The following ZNF697 variants were observed in gnomAD, a reference collection of about 807,000 sequenced individuals.
The protein encoded by ZNF697 is zinc finger protein 697.
A neutral mutation model predicts 32.4 loss-of-function variants in ZNF697; 23 were observed. That is an observed-to-expected ratio of 0.71 (90% CI 0.51 to 1.01). ZNF697 has a LOEUF of 1.01. Ranked by LOEUF, ZNF697 falls within the 50% of genes least tolerant of loss-of-function variation. ZNF697 has a pLI of 0.00. For synonymous variants in ZNF697, 418 were observed against 337.2 expected, an observed-to-expected ratio of 1.24 and a Z score of -2.62; for missense variants, 930 against 794.0, an observed-to-expected ratio of 1.17 and a Z score of -2.06.
intron 1 of ZNF697, among the ~76,000 whole-genome samples, chr1:119,641,248 G>C (rs980109598): frequency 1.3e-5 from 2 of 152,166 alleles, no homozygotes; most frequent in Admixed American, 6.5e-5. Flanking sequence ...TGTTATAAGG[G>C]GGGTGGTAAA....
intron 1 of ZNF697, among the ~76,000 whole-genome samples, chr1:119,626,441 G>C (rs1437176030): frequency 1.3e-5 from 2 of 152,168 alleles, no homozygotes; most frequent in Non-Finnish European, 2.9e-5. Context: ...TGAACTAGAT[G>C]TTCCCATTTT....
Position 119,626,113 on chromosome 1 carries a change from G to T in ZNF697, c.-13C>A, listed in dbSNP as rs1164622075. On this transcript the variant is annotated 5_prime_UTR_variant, in exon 2 of 3. Coordinates refer to ENST00000421812, the MANE Select transcript of ZNF697 (RefSeq NM_001080470.2). Reference sequence around the variant, plus strand: ...CTTCTTGTTTCATCCAGGAAGAAAAGAGCAAGGGAGGTGACCAGGAATCCC... The same window carrying T: ...CTTCTTGTTTCATCCAGGAAGAAAATAGCAAGGGAGGTGACCAGGAATCCC... 1.9e-6 allele frequency: 3 copies of T among 1,613,484 alleles called. No individual in the cohort carries two copies. The highest frequency in any genetic ancestry group is 2.7e-5 in the African/African-American group (2 of 74,892).
rs201247006 is a variant in ZNF697 at position 119,623,979 on chromosome 1, C to T, written c.364G>A (p.Glu122Lys). Residue 122 changes from glutamate to lysine, a missense_variant, in exon 3 of 3, where the codon GAG (glutamate) becomes AAG (lysine). Glu to Lys is a moderately conservative substitution (Grantham distance 56). Transcript: ENST00000421812. Reference protein sequence around the residue: ...ISRSLREDDDESAGENRLEEE... With the variant: ...ISRSLREDDDKSAGENRLEEE... ...TCCAGCCGGTTCTCCCCAGCACTCTCGTCGTCGTCCTCCCGGAGGCTCCGG... is the reference window on the plus strand; with the variant it reads ...TCCAGCCGGTTCTCCCCAGCACTCTTGTCGTCGTCCTCCCGGAGGCTCCGG... 8 of 1,610,244 alleles carry T rather than the reference C, an allele frequency of 5.0e-6. No individual in the cohort carries two copies. Among genetic ancestry groups the T allele is most frequent in the East Asian group, 4.5e-5 (2 of 44,740 alleles).
chr1:119,637,739 T>A (rs1007906284), intron 1 of ZNF697, among the ~76,000 whole-genome samples: 1 of 152,366 alleles, frequency 6.6e-6, no homozygotes, highest in African/African-American at 2.4e-5. Context: ...CTTCATGTGA[T>A]CCTCAGAAGT....
chr1:119,623,628 C>G lies in ZNF697; in HGVS notation c.715G>C (p.Gly239Arg). 1 of 1,502,352 alleles carries G rather than the reference C, an allele frequency of 6.7e-7. No homozygotes were observed. The highest frequency in any genetic ancestry group is 8.8e-7 in the Non-Finnish European group (1 of 1,133,306). 93.1% of individuals were successfully genotyped at this position (1,502,352 alleles called of 1,614,324 possible). The stretch of plus-strand genomic sequence containing the variant: ...CCGAAGCCCCCCGCCACACCCACCC[C>G]CATCATGCCCACCATCGCGTCGCAC... ...GECDAMVGMMGVGVAGGFGAG... is the reference protein window; with the variant it reads ...GECDAMVGMMRVGVAGGFGAG... Residue 239 changes from glycine (G) to arginine (R), a missense_variant, in exon 3 of 3, where the codon GGG becomes CGG. Coordinates refer to ENST00000421812, the MANE Select transcript of ZNF697 (RefSeq NM_001080470.2).
chr1:119,636,478 C>T (rs587668999), intron 1 of ZNF697, among the ~76,000 whole-genome samples: 1 of 152,246 alleles, frequency 6.6e-6, no homozygotes, highest in South Asian at 2.1e-4. Flanking sequence ...CCACTATATG[C>T]CACAAGATCT....
chr1:119,630,938 G>A (rs587661378), intron 1 of ZNF697, among the ~76,000 whole-genome samples: 3 of 152,306 alleles, frequency 2.0e-5, no homozygotes, highest in East Asian at 3.9e-4. Flanking sequence ...CAGTAGCAGA[G>A]CCAGAATTAG....
chr1:119,637,422 G>A (rs1418523073), intron 1 of ZNF697, among the ~76,000 whole-genome samples: 1 of 152,200 alleles, frequency 6.6e-6, no homozygotes, highest in African/African-American at 2.4e-5. Flanking sequence ...AGTACATTTT[G>A]CTGTAGAGAA....
chr1:119,626,749 A>G (rs1258500637), intron 1 of ZNF697, among the ~76,000 whole-genome samples: 1 of 152,220 alleles, frequency 6.6e-6, no homozygotes, highest in Non-Finnish European at 1.5e-5. Flanking sequence ...CAGCACCACC[A>G]ACCTGGCTTT....
chr1:119,623,916 AG>A lies in ZNF697; in HGVS notation c.426del (p.Trp143GlyfsTer95). 1 of 1,572,126 alleles carries A rather than the reference AG, an allele frequency of 6.4e-7. No homozygotes were observed. On this transcript the variant is annotated frameshift_variant, in exon 3 of 3. Transcript: ENST00000421812. LOFTEE classifies it high-confidence loss of function. ...CTCCCCAGGGAGAGATGTCGCCTCC[AG>A]GGAAGTACGGGAGGGGCCGGCTGCT... ...EEEQPAPPVLPWRRHLSLGSR... is the reference protein window; with the variant it reads ...EEEQPAPPVLXWRRHLSLGSR...
chr1:119,624,110 T>C lies in ZNF697; in HGVS notation c.233A>G (p.Gln78Arg), dbSNP rs780161318. The C allele has an allele frequency of 1.3e-6, 2 of 1,564,278 alleles. No individual in the cohort carries two copies. Among genetic ancestry groups the C allele is most frequent in the Non-Finnish European group, 1.7e-6 (2 of 1,152,674 alleles). The change falls in exon 3 of 3, where the codon CAG becomes CGG. Residue 78 changes from glutamine (Q) to arginine (R), a missense_variant. Gln to Arg is a conservative substitution (Grantham distance 43). Coordinates refer to ENST00000421812, the MANE Select transcript of ZNF697 (RefSeq NM_001080470.2). ...AGAAACGCCTTCTTCCTCACTCAGC[T>C]GCCCCTCTGCAACAGAAAAAGGTGG... Reference protein sequence around the residue: ...EAVPDICTEGQLSEEEGVSVR... With the variant: ...EAVPDICTEGRLSEEEGVSVR...
intron 1 of ZNF697, among the ~76,000 whole-genome samples, chr1:119,643,978 C>A (rs1031335953): frequency 7.9e-5 from 12 of 152,250 alleles, no homozygotes; most frequent in Non-Finnish European, 1.6e-4. Context: ...ATATTTCGTG[C>A]CTCCATTTCT....
Position 119,642,608 on chromosome 1 carries a change from T to C in ZNF697, c.-38+5083A>G, listed in dbSNP as rs1274788422. Among the ~76,000 whole-genome samples, 16 of 152,208 alleles carry C rather than the reference T, an allele frequency of 1.1e-4. No homozygotes were observed. The East Asian group carries it at 3.1e-3, about 29-fold the overall frequency. On this transcript the variant is annotated intron_variant, in intron 1 of 2. Transcript: ENST00000421812. ...CCCCAGCTTATATAATTTATAAGCA[T>C]ACAACCTTACCCACACCTCATTGTA...
chr1:119,623,636 C>A lies in ZNF697; in HGVS notation c.707G>T (p.Gly236Val), dbSNP rs756455832. The A allele has an allele frequency of 1.1e-6, 1 of 908,158 alleles. No homozygotes were observed. The highest frequency in any genetic ancestry group is 1.5e-6 in the Non-Finnish European group (1 of 646,078). The allele number at this position is 908,158 out of a possible 1,614,324, so 56.3% of individuals were successfully genotyped here. The change falls in exon 3 of 3, where the codon GGC becomes GTC. Residue 236 changes from glycine to valine, a missense_variant. Coordinates refer to ENST00000421812, the MANE Select transcript of ZNF697 (RefSeq NM_001080470.2). ...CCCCGCCACACCCACCCCCATCATG[C>A]CCACCATCGCGTCGCACTCGCCCGC... Reference protein sequence around the residue: ...GLAGECDAMVGMMGVGVAGGF... With the variant: ...GLAGECDAMVVMMGVGVAGGF...
Position 119,622,621 on chromosome 1 carries a change from T to A in ZNF697, c.*84A>T. On this transcript the variant is annotated 3_prime_UTR_variant, in exon 3 of 3. Transcript: ENST00000421812. ...CTCTCAGATTGTCCCTCCCGCCCCT[T>A]CCCCACTTCCTTCCCCTGGGTCAGT... The A allele has an allele frequency of 1.4e-6, 2 of 1,434,800 alleles. No homozygotes were observed. The highest frequency in any genetic ancestry group is 1.4e-5 in the African/African-American group (1 of 69,690). The allele number at this position is 1,434,800 out of a possible 1,614,324, so 88.9% of individuals were successfully genotyped here.
At chr1:119,637,261 T>C (rs1222041915) in intron 1 of ZNF697, among the ~76,000 whole-genome samples, 2 of 152,242 alleles carry the variant, frequency 1.3e-5, no homozygotes, top group East Asian at 3.8e-4. Flanking sequence ...TCATATTAAC[T>C]GCACCATGGG....
intron 2 of ZNF697, among the ~76,000 whole-genome samples, chr1:119,625,044 CCCAGGTTAGAGGCTGAT>C (rs1324685035): frequency 6.6e-6 from 1 of 151,800 alleles, no homozygotes; most frequent in African/African-American, 2.4e-5. Flanking sequence ...AGCTGGTGAG[CCCAGGTTAGAGGCTGAT>C]CCAGGACACA....
At chr1:119,632,515 A>G (rs2101087813) in intron 1 of ZNF697, among the ~76,000 whole-genome samples, 1 of 152,368 alleles carries the variant, frequency 6.6e-6, no homozygotes, top group African/African-American at 2.4e-5. Flanking sequence ...GCTCAAAACC[A>G]AGGCAACAGA....
chr1:119,648,202 T>C lies in ZNF697; in HGVS notation c.-549A>G, dbSNP rs113133118. ...GCTGGGTGGCCCGCTGGCTGGCTGG[T>C]TGGCTGGCTGGCTGGCTGGCTGGCT... On this transcript the variant is annotated 5_prime_UTR_variant, in exon 1 of 3. Coordinates refer to ENST00000421812, the MANE Select transcript of ZNF697 (RefSeq NM_001080470.2). Among the ~76,000 whole-genome samples the C allele has an allele frequency of 1.5e-4, 22 of 150,402 alleles. No homozygotes were observed. Among genetic ancestry groups the C allele is most frequent in the East Asian group, 1.0e-3 (5 of 5,016 alleles).
Sources: gnomAD v4.1 joint callset for allele counts (sites outside exome capture counted in the v4.1 genomes callset) on GRCh38, gnomAD v4.1.1 for gene constraint, MANE v1.5 for transcripts, NCBI Gene and HGNC (gene_info 2026-07-23, HGNC 2026-07-21) for gene names.